DENND4C: variants seen among roughly 807,000 people sequenced by gnomAD.
DENND4C encodes the protein DENN domain-containing protein 4C.
Under a neutral mutation model 203.0 loss-of-function variants are expected in DENND4C, and 108 were observed. The ratio of observed to expected loss-of-function variants is 0.53; its 90% CI spans 0.46 to 0.62. The LOEUF is 0.62. Ranked by LOEUF, DENND4C falls within the 20% of genes least tolerant of loss-of-function variation. DENND4C has a pLI of 0.00. For synonymous variants in DENND4C, 871 were observed against 792.4 expected, an observed-to-expected ratio of 1.10 and a Z score of -1.67; for missense variants, 2,481 against 2,301.2, an observed-to-expected ratio of 1.08 and a Z score of -1.60.
At chr9:19,290,637 C>T (rs1176134811) in intron 4 of DENND4C, 67 bp from the exon 5 acceptor site, 2 of 1,094,038 alleles carry the variant, frequency 1.8e-6, no homozygotes, top group Non-Finnish European at 2.4e-6. Context: ...TCCATTAATA[C>T]CTATCATATG....
intron 1 of DENND4C, among the ~76,000 whole-genome samples, chr9:19,259,748 G>T (rs1024353832): frequency 6.6e-6 from 1 of 151,860 alleles, no homozygotes; most frequent in Non-Finnish European, 1.5e-5. Context: ...CAGGTGATCC[G>T]CCCGCCTCGG....
rs555013549 is a variant in DENND4C, at chr9:19,268,616, C to G, written c.-17-7542C>G. On this transcript the variant is annotated intron_variant, in intron 1 of 32. Transcript: ENST00000434457. ...CTTTAGTATTTCCTGTAGGACAGGT[C>G]TGGTGTTGACGAAATCCCTCAGCTT... is the stretch of plus-strand genomic sequence containing the variant. Among the ~76,000 whole-genome samples the G allele has an allele frequency of 2.6e-5, 4 of 152,194 alleles. No homozygotes were observed. In the South Asian group the frequency reaches 8.3e-4, roughly 31 times the overall value.
intron 4 of DENND4C, 36 bp downstream of exon 4, chr9:19,288,701 A>G: frequency 8.8e-7 from 1 of 1,136,814 alleles, no homozygotes; most frequent in Non-Finnish European, 1.1e-6. Context: ...CAATTGCTAT[A>G]GTTATTGGTG....
chr9:19,312,685 T>C (rs1303245835), intron 10 of DENND4C, among the ~76,000 whole-genome samples: 2 of 152,196 alleles, frequency 1.3e-5, no homozygotes, highest in African/African-American at 4.8e-5. Context: ...GATTTGTCAA[T>C]TGCATTTTAT....
At chr9:19,356,839 C>T in intron 26 of DENND4C, 133 bp from the exon 27 acceptor site, 2 of 702,664 alleles carry the variant, frequency 2.8e-6, no homozygotes, top group Non-Finnish European at 2.2e-6. Flanking sequence ...TGGAAATAGG[C>T]CGTGTTTTCC....
intron 1 of DENND4C, among the ~76,000 whole-genome samples, chr9:19,244,667 G>C (rs1260419312): frequency 1.3e-5 from 2 of 151,600 alleles, no homozygotes; most frequent in Admixed American, 1.3e-4. Context: ...TTGAACCCGG[G>C]AGGTGGAGGT....
intron 1 of DENND4C, among the ~76,000 whole-genome samples, chr9:19,275,564 G>T (rs1832732311): frequency 6.6e-6 from 1 of 151,460 alleles, no homozygotes; most frequent in Non-Finnish European, 1.5e-5. Context: ...TCTGCCCCCT[G>T]GGTTCAAGCG....
chr9:19,373,386 A>C lies in DENND4C; in HGVS notation c.*1213A>C, dbSNP rs1017002657. The C allele has an allele frequency of 6.6e-6, 1 of 152,658 alleles. No homozygotes were observed. Among genetic ancestry groups the C allele is most frequent in the Non-Finnish European group, 1.5e-5 (1 of 68,040 alleles). The allele number at this position is 152,658 out of a possible 1,614,324, so 9.5% of individuals were successfully genotyped here. ...TTCATTGGAATGTGCTTAAAATGCTAAAGTGTATGTCATTGAACATGAAAT... is the reference window on the plus strand; with the variant it reads ...TTCATTGGAATGTGCTTAAAATGCTCAAGTGTATGTCATTGAACATGAAAT... On this transcript the variant is annotated 3_prime_UTR_variant, in exon 33 of 33. Transcript: ENST00000434457.
At position 19,306,665 on chromosome 9, in the gene DENND4C, G is replaced by A. The variant is rs116277787; in HGVS notation, c.1487+1138G>A. Among the ~76,000 whole-genome samples the A allele has an allele frequency of 4.7e-3, 717 of 151,446 alleles. 3 individuals carry two copies. The highest frequency in any genetic ancestry group is 0.016 in the African/African-American group (646 of 41,312). ...ATAATATGGAGATTCTTAATTTTGCGCAGTTTTGAGTAACTTTTATAAAAC... is the reference window on the plus strand; with the variant it reads ...ATAATATGGAGATTCTTAATTTTGCACAGTTTTGAGTAACTTTTATAAAAC... On this transcript the variant is annotated intron_variant, in intron 10 of 32. Coordinates refer to ENST00000434457, the MANE Select transcript of DENND4C (RefSeq NM_001330640.2).
chr9:19,236,384 C>T (rs1477441212), intron 1 of DENND4C, among the ~76,000 whole-genome samples: 2 of 152,048 alleles, frequency 1.3e-5, no homozygotes, highest in Non-Finnish European at 2.9e-5. Context: ...TTACAACTTG[C>T]TGTAAAAAGG....
intron 20 of DENND4C, among the ~76,000 whole-genome samples, chr9:19,338,704 G>T (rs1043604553): frequency 5.9e-5 from 9 of 152,122 alleles, no homozygotes; most frequent in Admixed American, 1.3e-4. Flanking sequence ...ATTCACCCAG[G>T]TCCCAGCCTA....
intron 1 of DENND4C, among the ~76,000 whole-genome samples, chr9:19,231,554 T>TC (rs1389489339): frequency 1.3e-5 from 2 of 151,624 alleles, no homozygotes; most frequent in Non-Finnish European, 2.9e-5. Flanking sequence ...TTTTTTTTTT[T>TC]CCTCCCCTTT....
At chr9:19,285,372 A>G (rs553514669) in intron 2 of DENND4C, among the ~76,000 whole-genome samples, 1 of 152,270 alleles carries the variant, frequency 6.6e-6, no homozygotes, top group South Asian at 2.1e-4. Flanking sequence ...AGTATTGTTT[A>G]CAGTGTTGTG....
intron 1 of DENND4C, among the ~76,000 whole-genome samples, chr9:19,256,309 G>GTTTTTT (rs1165191635): frequency 1.2e-5 from 1 of 84,880 alleles, no homozygotes; most frequent in Non-Finnish European, 2.2e-5. Flanking sequence ...TTTTTTTTTT[G>GTTTTTT]TTTTTTTTTT....
At chr9:19,262,302 G>T (rs549532988) in intron 1 of DENND4C, among the ~76,000 whole-genome samples, 14 of 151,832 alleles carry the variant, frequency 9.2e-5, no homozygotes, top group Non-Finnish European at 2.1e-4. Flanking sequence ...TGGCCAGGCT[G>T]GTCTTGAACT....
intron 18 of DENND4C, 80 bp downstream of exon 18, chr9:19,335,185 T>G: frequency 2.8e-6 from 3 of 1,055,586 alleles, no homozygotes; most frequent in East Asian, 6.2e-5. Context: ...TTCATGAAAC[T>G]CCTATTAAAG....
chr9:19,232,694 G>A (rs2131312158), intron 1 of DENND4C, among the ~76,000 whole-genome samples: 1 of 152,270 alleles, frequency 6.6e-6, no homozygotes, highest in East Asian at 1.9e-4. Context: ...AAACGCAAAT[G>A]TTTTAAATTA....
intron 5 of DENND4C, chr9:19,292,588 C>T (rs1416694713): frequency 6.6e-6 from 1 of 151,186 alleles, no homozygotes; most frequent in East Asian, 1.9e-4. Context: ...TCTTATCCCC[C>T]AGGCTGGAGT....
chr9:19,271,757 C>T (rs956253866), intron 1 of DENND4C, among the ~76,000 whole-genome samples: 3 of 150,828 alleles, frequency 2.0e-5, no homozygotes, highest in African/African-American at 4.9e-5. Flanking sequence ...CCCAGCTACT[C>T]GGGAGGCTGA....
Sources: allele counts gnomAD v4.1 joint callset (sites outside exome capture counted in the v4.1 genomes callset), GRCh38; gene constraint gnomAD v4.1.1; transcripts MANE v1.5; gene names NCBI Gene and HGNC (gene_info 2026-07-23, HGNC 2026-07-21).